SDHAF4: variants seen among roughly 807,000 people sequenced by gnomAD.
SDHAF4 encodes succinate dehydrogenase complex assembly factor 4, also known as succinate dehydrogenase assembly factor 4, mitochondrial.
In SDHAF4, 14 loss-of-function variants were observed where a neutral mutation model predicts 14.3. The observed-to-expected ratio is 0.98, with a 90% confidence interval of 0.65 to 1.53. The LOEUF (loss-of-function observed/expected upper bound fraction) is 1.53. Among genes scored for constraint, SDHAF4 ranks in the 40% most tolerant of loss-of-function variants. The pLI is 0.00. For synonymous variants in SDHAF4, 63 were observed against 47.3 expected (o/e 1.33, Z -1.36); for missense variants, 141 against 129.3 (o/e 1.09, Z -0.44).
At chr6:70,588,444 C>T (rs1185024823) in intron 2 of SDHAF4, among the ~76,000 whole-genome samples, 171 bp from the exon 3 acceptor site, 1 of 152,120 alleles carries the variant, frequency 6.6e-6, no homozygotes, top group Non-Finnish European at 1.5e-5. Flanking sequence ...CACTTGAACC[C>T]AGAAGGCAGA....
chr6:70,585,588 C>T (rs1311112360), intron 2 of SDHAF4, among the ~76,000 whole-genome samples: 1 of 152,120 alleles, frequency 6.6e-6, no homozygotes, highest in East Asian at 1.9e-4. Context: ...GTTATGGCAG[C>T]TCAAGCTAAG....
intron 2 of SDHAF4, among the ~76,000 whole-genome samples, chr6:70,583,697 A>G (rs746985349): frequency 9.2e-5 from 14 of 152,206 alleles, no homozygotes; most frequent in Middle Eastern, 3.2e-3. Flanking sequence ...AAAACAAAAC[A>G]AAACAAAAAT....
At chr6:70,598,427 C>A in the SDHAF4 span, among the ~76,000 whole-genome samples, 4 of 152,212 alleles carry the variant, frequency 2.6e-5, no homozygotes, top group South Asian at 8.3e-4. Context: ...TTTGTAGAAA[C>A]AGATACCTCT....
chr6:70,597,223 T>A, the SDHAF4 span, among the ~76,000 whole-genome samples: 1 of 149,084 alleles, frequency 6.7e-6, no homozygotes, highest in Non-Finnish European at 1.5e-5. Context: ...AACCTCTGCC[T>A]CTGGTTTCAA....
intron 1 of SDHAF4, among the ~76,000 whole-genome samples, chr6:70,568,268 A>C (rs1802130442): frequency 6.6e-6 from 1 of 152,130 alleles, no homozygotes; most frequent in Admixed American, 6.5e-5. Flanking sequence ...AACAATTATG[A>C]ATTATTCCAT....
At chr6:70,597,299 A>ATTTTTTTTTTTTTTTTTTTTTTTTTT in the SDHAF4 span, among the ~76,000 whole-genome samples, 1 of 108,100 alleles carries the variant, frequency 9.3e-6, no homozygotes, top group African/African-American at 3.9e-5. Flanking sequence ...CGCCTGGCTA[A>ATTTTTTTTTTTTTTTTTTTTTTTTTT]TTTTTTTTTT....
intron 2 of SDHAF4, among the ~76,000 whole-genome samples, chr6:70,581,227 G>T (rs1259777390): frequency 6.6e-6 from 1 of 152,004 alleles, no homozygotes; most frequent in African/African-American, 2.4e-5. Context: ...ACTGTGTCTG[G>T]CAGTGAATGT....
chr6:70,590,099 G>A (rs1031188769), downstream of SDHAF4, among the ~76,000 whole-genome samples: 3 of 152,142 alleles, frequency 2.0e-5, no homozygotes, highest in African/African-American at 4.8e-5. Flanking sequence ...CTAGCTGGGC[G>A]TGGTGGTGCA....
the SDHAF4 span, among the ~76,000 whole-genome samples, chr6:70,597,960 C>T: frequency 3.3e-5 from 5 of 152,264 alleles, no homozygotes; most frequent in East Asian, 7.7e-4. Flanking sequence ...AAATGAATTA[C>T]AAAAGATTAT....
At chr6:70,572,363 TACA>T (rs1802194569) in intron 1 of SDHAF4, among the ~76,000 whole-genome samples, 1 of 152,200 alleles carries the variant, frequency 6.6e-6, no homozygotes, top group African/African-American at 2.4e-5. Flanking sequence ...ATATTTATTG[TACA>T]ACATGGTGAC....
chr6:70,578,121 CTGTTT>C (rs1221513906), intron 1 of SDHAF4, among the ~76,000 whole-genome samples: 1 of 152,182 alleles, frequency 6.6e-6, no homozygotes, highest in African/African-American at 2.4e-5. Context: ...AATGATAGTT[CTGTTT>C]TAAGTACTTT....
intron 1 of SDHAF4, 54 bp downstream of exon 1, chr6:70,567,058 C>A (rs887012629): frequency 5.3e-5 from 80 of 1,505,248 alleles, no homozygotes; most frequent in Admixed American, 9.8e-5. Context: ...AAGGCCCAGG[C>A]GCAGAGAGAA....
intron 2 of SDHAF4, among the ~76,000 whole-genome samples, chr6:70,584,532 A>G (rs188746678): frequency 1.2e-3 from 184 of 152,304 alleles, no homozygotes; most frequent in Non-Finnish European, 1.8e-3. Flanking sequence ...CACATAGTAT[A>G]ATGTGGAAGA....
chr6:70,573,542 G>A (rs1204412616), intron 1 of SDHAF4, among the ~76,000 whole-genome samples: 1 of 151,778 alleles, frequency 6.6e-6, no homozygotes, highest in African/African-American at 2.4e-5. Context: ...AGGATTACAG[G>A]TGTGAGCCAC....
At chr6:70,570,262 T>C (rs770341600) in intron 1 of SDHAF4, among the ~76,000 whole-genome samples, 7 of 152,238 alleles carry the variant, frequency 4.6e-5, no homozygotes, top group Admixed American at 6.5e-5. Flanking sequence ...TTGCAGATTT[T>C]GGGGACTTTG....
At chr6:70,578,324 C>T (rs759828768) in intron 1 of SDHAF4, among the ~76,000 whole-genome samples, 1 of 152,106 alleles carries the variant, frequency 6.6e-6, no homozygotes, top group Non-Finnish European at 1.5e-5. Flanking sequence ...TCTACCAATT[C>T]GTGATGTGGA....
At chr6:70,586,246 T>C (rs1765199896) in intron 2 of SDHAF4, among the ~76,000 whole-genome samples, 1 of 152,100 alleles carries the variant, frequency 6.6e-6, no homozygotes, top group Non-Finnish European at 1.5e-5. Context: ...ACCATGGGGT[T>C]TGGATAAAGC....
rs141035206 is a variant in SDHAF4, at chr6:70,569,454, G to T, written c.64+2450G>T. 2.5e-3 allele frequency among the ~76,000 whole-genome samples: 386 copies of T among 152,150 alleles called. 11 individuals carry two copies. In the East Asian group the frequency reaches 0.069, roughly 27 times the overall value. ...CAGATAATTTTTTGTATTTTTGGTA[G>T]AGACAGGGTTTTGCCATGAACTCAG... On this transcript the variant is annotated intron_variant, in intron 1 of 2. Coordinates refer to ENST00000370474, the MANE Select transcript of SDHAF4 (RefSeq NM_145267.3).
intron 2 of SDHAF4, among the ~76,000 whole-genome samples, chr6:70,586,891 G>A (rs1050823275): frequency 2.0e-5 from 3 of 152,256 alleles, no homozygotes; most frequent in South Asian, 2.1e-4. Flanking sequence ...CCAGGCGGCC[G>A]GGCACAGTGG....
Sources: gnomAD v4.1 joint callset for allele counts (sites outside exome capture counted in the v4.1 genomes callset) on GRCh38, gnomAD v4.1.1 for gene constraint, MANE v1.5 for transcripts, NCBI Gene and HGNC (gene_info 2026-07-23, HGNC 2026-07-21) for gene names.